The following KLHDC4 variants were observed in gnomAD, a reference collection of about 807,000 sequenced individuals.
KLHDC4 encodes kelch domain-containing protein 4.
Under a neutral mutation model 62.4 loss-of-function variants are expected in KLHDC4, and 90 were observed. The ratio of observed to expected loss-of-function variants is 1.44; its 90% confidence interval spans 1.22 to 1.72. The LOEUF (loss-of-function observed/expected upper bound fraction) is 1.72. Ranked by LOEUF, KLHDC4 falls within the 40% of genes most tolerant of loss-of-function variation. The pLI is 0.00. For missense variants in KLHDC4, 1,025 were observed against 699.7 expected, an observed-to-expected ratio of 1.47 and a Z score of -5.25; for synonymous variants, 386 against 284.4, an observed-to-expected ratio of 1.36 and a Z score of -3.59.
At chr16:87,737,106 C>CAAAAAAA (rs55787836) in intron 5 of KLHDC4, among the ~76,000 whole-genome samples, 63 of 64,452 alleles carry the variant, frequency 9.8e-4, no homozygotes, top group Middle Eastern at 0.017. Context: ...GCCTGGGCGA[C>CAAAAAAA]AAAAAAAAAA....
intron 7 of KLHDC4, among the ~76,000 whole-genome samples, chr16:87,717,969 G>T (rs1408529384): frequency 6.6e-6 from 1 of 152,104 alleles, no homozygotes; most frequent in Non-Finnish European, 1.5e-5. Flanking sequence ...CAGAGAGGTG[G>T]AGCACTTCAC....
intron 6 of KLHDC4, 141 bp from the exon 7 acceptor site, chr16:87,727,065 C>T (rs1023561611): frequency 9.6e-6 from 8 of 833,264 alleles, no homozygotes; most frequent in Non-Finnish European, 1.5e-5. Context: ...TGCTCTTACA[C>T]CAACACAACA....
chr16:87,711,493 G>A, intron 8 of KLHDC4, 50 bp from the exon 9 acceptor site: 1 of 1,521,708 alleles, frequency 6.6e-7, no homozygotes, highest in Non-Finnish European at 8.8e-7. Context: ...GAAGGACCCT[G>A]AGAGCCAGCC....
downstream of KLHDC4, among the ~76,000 whole-genome samples, chr16:87,704,077 T>G (rs1235722772): frequency 1.3e-5 from 2 of 152,236 alleles, no homozygotes; most frequent in African/African-American, 2.4e-5. Flanking sequence ...CCTTCCGGGC[T>G]GGGGAACCAC....
rs760763253 is a variant in KLHDC4, at chr16:87,748,693, G to C, written c.486C>G (p.Thr162=). 1.9e-6 allele frequency: 3 copies of C among 1,613,632 alleles called. No homozygotes were observed. Among genetic ancestry groups the C allele is most frequent in the Admixed American group, 1.7e-5 (1 of 59,934 alleles). ...YKDLWVLHLA[T]KTWEQVKSTG... is the part of the protein sequence containing the mutation. ...CTTACTTGACTTGTTCCCAGGTCTT[G>C]GTGGCCAAATGCAGGACCCAGAGAT... The change falls in exon 5 of 12, where the codon ACC becomes ACG. Residue 162 remains threonine (T), a synonymous_variant. Transcript: ENST00000270583.
chr16:87,709,550 C>T lies in KLHDC4; in HGVS notation c.1162G>A (p.Val388Met), dbSNP rs760135269. The T allele has an allele frequency of 1.2e-6, 2 of 1,612,798 alleles. No homozygotes were observed. The highest frequency in any genetic ancestry group is 1.7e-6 in the Non-Finnish European group (2 of 1,179,990). The change falls in exon 10 of 12, where the codon GTG becomes ATG. Residue 388 changes from valine (V) to methionine (M), a missense_variant. Coordinates refer to ENST00000270583, the MANE Select transcript of KLHDC4 (RefSeq NM_017566.4). ...ACCACGGTGCCATCCTCGGCCACCA[C>T]CTCCTTGACCAGCTGCACAGGCCCC... is the stretch of plus-strand genomic sequence containing the variant. ...TQGPVQLVKE[V>M]VAEDGTVVTI...
At chr16:87,747,935 C>G (rs1315557835) in intron 5 of KLHDC4, among the ~76,000 whole-genome samples, 1 of 152,238 alleles carries the variant, frequency 6.6e-6, no homozygotes, top group Admixed American at 6.5e-5. Flanking sequence ...CGCTCTGCTG[C>G]TTTAATGGCA....
downstream of KLHDC4, among the ~76,000 whole-genome samples, chr16:87,706,633 G>T (rs1436647380): frequency 6.6e-6 from 1 of 152,260 alleles, no homozygotes; most frequent in Non-Finnish European, 1.5e-5. Context: ...ATGGAAGCCT[G>T]AAGTGAGGTC....
intron 5 of KLHDC4, among the ~76,000 whole-genome samples, chr16:87,732,159 A>C (rs2040498088): frequency 6.7e-6 from 1 of 150,020 alleles, no homozygotes; most frequent in Non-Finnish European, 1.5e-5. Flanking sequence ...GCAGTGGTGC[A>C]ATCTCGGCTC....
At chr16:87,709,902 C>T (rs76742342) in intron 9 of KLHDC4, 22 of 568,252 alleles carry the variant, frequency 3.9e-5, no homozygotes, top group Admixed American at 2.2e-4. Context: ...GAAAACCCCC[C>T]ACTGCGTGTC....
intron 5 of KLHDC4, among the ~76,000 whole-genome samples, chr16:87,736,439 C>G (rs1597197025): frequency 6.6e-6 from 1 of 152,168 alleles, no homozygotes; most frequent in Non-Finnish European, 1.5e-5. Flanking sequence ...CCTGCCGGAT[C>G]CCTGAGAGTC....
intron 8 of KLHDC4, among the ~76,000 whole-genome samples, chr16:87,712,279 A>G (rs972359793): frequency 7.3e-6 from 1 of 136,414 alleles, no homozygotes; most frequent in Admixed American, 7.1e-5. Context: ...ATGAACATTT[A>G]AAAAAAAAAA....
intron 7 of KLHDC4, among the ~76,000 whole-genome samples, chr16:87,720,751 A>G (rs910086345): frequency 7.2e-5 from 11 of 152,216 alleles, no homozygotes; most frequent in Admixed American, 6.5e-4. Flanking sequence ...CATCAGCACC[A>G]CTTCTAGTCA....
intron 5 of KLHDC4, among the ~76,000 whole-genome samples, chr16:87,747,066 G>A (rs1047135523): frequency 6.6e-6 from 1 of 152,170 alleles, no homozygotes; most frequent in African/African-American, 2.4e-5. Context: ...TACCCACAGT[G>A]CATCCCTATT....
chr16:87,703,202 C>T (rs952552139), downstream of KLHDC4: 3 of 152,030 alleles, frequency 2.0e-5, no homozygotes, highest in Non-Finnish European at 2.9e-5. Context: ...GAGCAGGAAT[C>T]GCGAGTGAGT....
intron 5 of KLHDC4, among the ~76,000 whole-genome samples, chr16:87,734,414 C>T (rs2040919619): frequency 6.6e-6 from 1 of 152,096 alleles, no homozygotes; most frequent in African/African-American, 2.4e-5. Flanking sequence ...TGATCTAATC[C>T]AAGTTTACTG....
At chr16:87,765,509 G>A (rs985128036) in intron 1 of KLHDC4, among the ~76,000 whole-genome samples, 1 of 152,056 alleles carries the variant, frequency 6.6e-6, no homozygotes, top group Non-Finnish European at 1.5e-5. Context: ...AGGGAGGAGG[G>A]GGAGGAAACG....
At chr16:87,756,599 G>A (rs17782026) in intron 2 of KLHDC4, 122 bp from the exon 3 acceptor site, 3 of 690,266 alleles carry the variant, frequency 4.3e-6, no homozygotes, top group Admixed American at 2.5e-5. Flanking sequence ...CCTGAAAGGA[G>A]AGCCTGGCAT....
chr16:87,737,707 A>T (rs1343149624), intron 5 of KLHDC4, among the ~76,000 whole-genome samples: 1 of 150,180 alleles, frequency 6.7e-6, no homozygotes, highest in Non-Finnish European at 1.5e-5. Flanking sequence ...TCCACCTAAG[A>T]CTCCCGAGTA....
Sources: gnomAD v4.1 joint callset for allele counts (sites outside exome capture counted in the v4.1 genomes callset) on GRCh38, gnomAD v4.1.1 for gene constraint, MANE v1.5 for transcripts, NCBI Gene and HGNC (gene_info 2026-07-23, HGNC 2026-07-21) for gene names.